The following PTGER3 variants were observed in gnomAD, a reference collection of about 807,000 sequenced individuals.
PTGER3 encodes the protein prostaglandin E receptor 3, also known as prostaglandin E2 receptor EP3 subtype.
A neutral mutation model predicts 34.7 loss-of-function variants in PTGER3; 22 were observed. That is an observed-to-expected ratio of 0.63 (90% CI 0.45 to 0.91). The LOEUF is 0.91. PTGER3 is among the 40% of genes least tolerant of loss of function. PTGER3 has a pLI of 0.00. For synonymous variants in PTGER3, 241 were observed against 230.1 expected, an observed-to-expected ratio of 1.05 and a Z score of -0.43; for missense variants, 468 against 519.4, an observed-to-expected ratio of 0.90 and a Z score of 0.96.
intron 1 of PTGER3, among the ~76,000 whole-genome samples, chr1:71,015,016 C>G (rs1657769035): frequency 6.6e-6 from 1 of 152,226 alleles, no homozygotes; most frequent in Non-Finnish European, 1.5e-5. Context: ...ATTGCCTATA[C>G]AGACTCCAAA....
At chr1:71,036,566 C>T (rs1254988702) in intron 1 of PTGER3, among the ~76,000 whole-genome samples, 2 of 151,818 alleles carry the variant, frequency 1.3e-5, no homozygotes, top group Non-Finnish European at 2.9e-5. Flanking sequence ...AGGGGCCCGG[C>T]ACAGTGGCTC....
At chr1:70,908,782 T>A (rs973267331) in intron 4 of PTGER3, among the ~76,000 whole-genome samples, 2 of 152,218 alleles carry the variant, frequency 1.3e-5, no homozygotes, top group African/African-American at 4.8e-5. Flanking sequence ...ATGATCTTTG[T>A]AACAATAGTA....
chr1:70,985,913 A>C (rs937898533), intron 2 of PTGER3, among the ~76,000 whole-genome samples: 1 of 152,118 alleles, frequency 6.6e-6, no homozygotes, highest in Non-Finnish European at 1.5e-5. Context: ...AACCAGAGCA[A>C]CTCTGAAATC....
At chr1:70,901,738 C>T (rs1008939442) in intron 4 of PTGER3, among the ~76,000 whole-genome samples, 1 of 152,138 alleles carries the variant, frequency 6.6e-6, no homozygotes, top group Non-Finnish European at 1.5e-5. Flanking sequence ...AACTGTGTAC[C>T]TACCACATAC....
chr1:70,857,000 C>A (rs1193661281), intron 4 of PTGER3, among the ~76,000 whole-genome samples: 2 of 152,232 alleles, frequency 1.3e-5, no homozygotes, highest in South Asian at 2.1e-4. Flanking sequence ...CTGTACCTAT[C>A]TTCCCAACCC....
intron 4 of PTGER3, among the ~76,000 whole-genome samples, chr1:70,894,898 C>A (rs1206946664): frequency 4.6e-5 from 7 of 152,172 alleles, no homozygotes; most frequent in Non-Finnish European, 4.4e-5. Context: ...CTATATCTGA[C>A]ACCAAAATCC....
At chr1:71,018,338 T>C (rs982593897) in intron 1 of PTGER3, among the ~76,000 whole-genome samples, 1 of 152,176 alleles carries the variant, frequency 6.6e-6, no homozygotes, top group African/African-American at 2.4e-5. Flanking sequence ...CTGTCCCAAT[T>C]ATCTCAATTT....
chr1:71,010,581 T>C, intron 2 of PTGER3: 2 of 984,768 alleles, frequency 2.0e-6, no homozygotes, highest in Non-Finnish European at 2.4e-6. Flanking sequence ...AGGTAAAGCC[T>C]CTTTATTATG....
chr1:71,024,808 A>G (rs1053559748), intron 1 of PTGER3, among the ~76,000 whole-genome samples: 9 of 151,120 alleles, frequency 6.0e-5, no homozygotes, highest in African/African-American at 2.2e-4. Flanking sequence ...ACCTGCCTCA[A>G]CCTCCCAGTG....
intron 2 of PTGER3, among the ~76,000 whole-genome samples, chr1:70,993,349 A>G (rs1447977016): frequency 1.3e-5 from 2 of 152,222 alleles, no homozygotes; most frequent in East Asian, 1.9e-4. Flanking sequence ...TACATGGGAC[A>G]TGGGTGAATA....
intron 4 of PTGER3, among the ~76,000 whole-genome samples, chr1:70,877,951 G>T (rs530738987): frequency 2.0e-5 from 3 of 152,220 alleles, no homozygotes; most frequent in African/African-American, 7.2e-5. Flanking sequence ...TTAGGATCAT[G>T]TTGGCCTCAT....
At position 70,998,969 on chromosome 1, in the gene PTGER3, C is replaced by T. The variant is rs144019327; in HGVS notation, c.1077+13336G>A. On this transcript the variant is annotated intron_variant, in intron 2 of 3. Coordinates refer to ENST00000306666, the MANE Select transcript of PTGER3 (RefSeq NM_198719.2). Reference sequence around the variant, plus strand: ...GGCCGAGGAGGGCGGATCACGAGGTCAGGAGATCGAGACCATCGTGGCTAA... The same window carrying T: ...GGCCGAGGAGGGCGGATCACGAGGTTAGGAGATCGAGACCATCGTGGCTAA... 7.0e-4 allele frequency among the ~76,000 whole-genome samples: 107 copies of T among 152,234 alleles called. 1 individual carries two copies. In the East Asian group the frequency reaches 0.02, roughly 28 times the overall value.
intron 1 of PTGER3, among the ~76,000 whole-genome samples, chr1:71,014,723 T>G (rs904965355): frequency 1.3e-5 from 2 of 152,208 alleles, no homozygotes; most frequent in East Asian, 3.8e-4. Flanking sequence ...TGGGGGCACC[T>G]TGATCTTAGA....
chr1:70,865,423 A>G (rs1368430546), intron 4 of PTGER3, among the ~76,000 whole-genome samples: 2 of 152,146 alleles, frequency 1.3e-5, no homozygotes, highest in African/African-American at 2.4e-5. Context: ...AGAGATTATG[A>G]GGGACCCCTT....
rs191903168 is a variant in PTGER3, at chr1:70,961,326, T to C, written c.1078-7537A>G. Among the ~76,000 whole-genome samples the C allele has an allele frequency of 1.2e-4, 18 of 152,340 alleles. 1 individual carries two copies. In the East Asian group the frequency reaches 3.3e-3, roughly 28 times the overall value. The stretch of plus-strand genomic sequence containing the variant: ...TTTTTAGCATCTGTTGTTTTTCCAC[T>C]TGGTTTCAGTGAATTTTGCAATATG... On this transcript the variant is annotated intron_variant, in intron 2 of 3. Coordinates refer to the PTGER3 transcript ENST00000356595.
intron 2 of PTGER3, chr1:71,006,821 C>T: frequency 1.0e-6 from 1 of 985,366 alleles, no homozygotes. Flanking sequence ...TAAAGTATTC[C>T]TGACGTGAGT....
intron 2 of PTGER3, among the ~76,000 whole-genome samples, chr1:70,954,149 A>C (rs1001464546): frequency 5.9e-5 from 9 of 152,178 alleles, no homozygotes; most frequent in African/African-American, 2.2e-4. Flanking sequence ...AGATAGCTGC[A>C]TTTTAACAGG....
chr1:70,942,309 T>A (rs976343045), intron 4 of PTGER3, among the ~76,000 whole-genome samples: 1 of 152,208 alleles, frequency 6.6e-6, no homozygotes, highest in Non-Finnish European at 1.5e-5. Flanking sequence ...GAACTATTCC[T>A]TGAAGGAGAA....
chr1:71,007,612 C>T (rs986014643), intron 2 of PTGER3: 2 of 985,238 alleles, frequency 2.0e-6, no homozygotes, highest in African/African-American at 3.5e-5. Flanking sequence ...TTCTCTGCCC[C>T]ACCCACATGA....
Sources: gnomAD v4.1 joint callset for allele counts (sites outside exome capture counted in the v4.1 genomes callset) on GRCh38, gnomAD v4.1.1 for gene constraint, MANE v1.5 for transcripts, NCBI Gene and HGNC (gene_info 2026-07-23, HGNC 2026-07-21) for gene names.